Variants in FAM78B observed in about 807,000 individuals in gnomAD.
FAM78B encodes the protein family with sequence similarity 78 member B.
In FAM78B, 10 loss-of-function variants were observed where a neutral mutation model predicts 20.0. That is an observed-to-expected ratio of 0.50 (90% CI 0.31 to 0.85). FAM78B has a LOEUF of 0.85. Among genes scored for constraint, FAM78B ranks in the 40% least tolerant of loss-of-function variants. The pLI is 0.05. For missense variants in FAM78B, 283 were observed against 345.0 expected (o/e 0.82, Z 1.42); for synonymous variants, 135 against 132.8 (o/e 1.02, Z -0.12).
chr1:166,159,798 CT>C, intron 1 of FAM78B, among the ~76,000 whole-genome samples: 1 of 152,374 alleles, frequency 6.6e-6, no homozygotes, highest in Non-Finnish European at 1.5e-5. Flanking sequence ...ATCTCTCCAA[CT>C]CCTCCTTTGA....
chr1:166,156,801 C>A (rs1655914941), intron 1 of FAM78B, among the ~76,000 whole-genome samples: 1 of 152,068 alleles, frequency 6.6e-6, no homozygotes, highest in Non-Finnish European at 1.5e-5. Context: ...CATCACCCCA[C>A]CCTCAAGTCC....
At chr1:166,125,873 C>T (rs1017230810) in intron 1 of FAM78B, among the ~76,000 whole-genome samples, 5 of 143,182 alleles carry the variant, frequency 3.5e-5, no homozygotes, top group Non-Finnish European at 6.0e-5. Flanking sequence ...TGCTCTGTCG[C>T]CAGGCTGGAG....
At chr1:166,144,218 T>C (rs1342627453) in intron 1 of FAM78B, among the ~76,000 whole-genome samples, 1 of 152,048 alleles carries the variant, frequency 6.6e-6, no homozygotes, top group East Asian at 1.9e-4. Flanking sequence ...GTTGTGTGTG[T>C]GTTAGCGTTT....
chr1:166,094,729 C>CT (rs1362916176), intron 1 of FAM78B, among the ~76,000 whole-genome samples: 1 of 152,148 alleles, frequency 6.6e-6, no homozygotes. Flanking sequence ...GGACGGAGCC[C>CT]TGAAAAGATA....
chr1:166,161,943 T>C (rs1296876997), intron 1 of FAM78B, among the ~76,000 whole-genome samples: 2 of 152,102 alleles, frequency 1.3e-5, no homozygotes, highest in Admixed American at 1.3e-4. Flanking sequence ...AGAGGTTATC[T>C]CTCACCATTA....
intron 1 of FAM78B, among the ~76,000 whole-genome samples, chr1:166,148,576 G>C (rs1655559825): frequency 6.6e-6 from 1 of 152,246 alleles, no homozygotes; most frequent in Non-Finnish European, 1.5e-5. Flanking sequence ...GTGCTCATTA[G>C]GTGATGAATC....
intron 1 of FAM78B, among the ~76,000 whole-genome samples, chr1:166,121,329 C>T (rs73041258): frequency 0.052 from 7,878 of 152,156 alleles, 683 homozygotes; most frequent in African/African-American, 0.18. Context: ...ACACCCTCAC[C>T]TCGGTCACTC....
intron 1 of FAM78B, among the ~76,000 whole-genome samples, chr1:166,099,686 T>C (rs550453073): frequency 6.6e-6 from 1 of 152,284 alleles, no homozygotes; most frequent in South Asian, 2.1e-4. Context: ...AAGAGGGACA[T>C]TATATAATGG....
In FAM78B at chr1:166,119,575, C is replaced by A. The variant is rs190776598; in HGVS notation, c.263+46411G>T. Among the ~76,000 whole-genome samples, 220 of 152,292 alleles carry A rather than the reference C, an allele frequency of 1.4e-3. 2 individuals carry two copies. The highest frequency in any genetic ancestry group is 6.8e-3 in the Middle Eastern group (2 of 294). On this transcript the variant is annotated intron_variant, in intron 1 of 1. Coordinates refer to ENST00000354422, the MANE Select transcript of FAM78B (RefSeq NM_001017961.5). The stretch of plus-strand genomic sequence containing the variant: ...TGTCCAGGAGAGTATCAGTTGAAAG[C>A]CGACCCCACTTTAACCCTTCTTCCA...
At position 166,136,491 on chromosome 1, in the gene FAM78B, T is replaced by C. The variant is rs115680781; in HGVS notation, c.263+29495A>G. Among the ~76,000 whole-genome samples the C allele has an allele frequency of 3.4e-3, 512 of 152,306 alleles. 3 individuals carry two copies. The highest frequency in any genetic ancestry group is 0.012 in the African/African-American group (485 of 41,568). The stretch of plus-strand genomic sequence containing the variant: ...CTTATCTCTCTGCCCTCACAGCTGC[T>C]GCTGTCTCTGCCAACTCTCATTCCA... On this transcript the variant is annotated intron_variant, in intron 1 of 1. Transcript: ENST00000354422.
chr1:166,075,078 G>A (rs959165662), intron 1 of FAM78B, among the ~76,000 whole-genome samples: 4 of 152,172 alleles, frequency 2.6e-5, no homozygotes, highest in African/African-American at 7.2e-5. Flanking sequence ...GGGTAGTATC[G>A]GTTTGTGGAG....
chr1:166,088,720 T>C, intron 1 of FAM78B, among the ~76,000 whole-genome samples: 1 of 152,122 alleles, frequency 6.6e-6, no homozygotes, highest in East Asian at 1.9e-4. Context: ...GCCTGACTTC[T>C]GGAGGGATGT....
intron 1 of FAM78B, among the ~76,000 whole-genome samples, chr1:166,136,677 G>A (rs1655075565): frequency 6.6e-6 from 1 of 152,210 alleles, no homozygotes; most frequent in Non-Finnish European, 1.5e-5. Context: ...CTCCTGGAAG[G>A]CAACGTTATG....
chr1:166,103,856 G>C lies in FAM78B; in HGVS notation c.264-33093C>G, dbSNP rs1035555755. ...GTATCCTCCTTAACTCATTTTATGA[G>C]GCCAGCATCATCCTGATACCAAAGC... is the stretch of plus-strand genomic sequence containing the variant. On this transcript the variant is annotated intron_variant, in intron 1 of 1. Transcript: ENST00000354422. 9.9e-5 allele frequency among the ~76,000 whole-genome samples: 15 copies of C among 152,252 alleles called. No homozygotes were observed. In the East Asian group the frequency reaches 2.7e-3, roughly 27 times the overall value.
At chr1:166,086,985 G>C (rs1180337388) in intron 1 of FAM78B, 2 of 152,200 alleles carry the variant, frequency 1.3e-5, no homozygotes, top group Non-Finnish European at 2.9e-5. Flanking sequence ...GTCTGTCTCA[G>C]TGATTGTGGA....
At chr1:166,144,855 G>T (rs1655403302) in intron 1 of FAM78B, among the ~76,000 whole-genome samples, 1 of 152,082 alleles carries the variant, frequency 6.6e-6, no homozygotes, top group African/African-American at 2.4e-5. Flanking sequence ...TCACCCAGGG[G>T]TTTTGCTGTG....
intron 1 of FAM78B, among the ~76,000 whole-genome samples, chr1:166,086,678 C>T (rs1043156409): frequency 2.6e-5 from 4 of 152,146 alleles, no homozygotes; most frequent in East Asian, 1.9e-4. Flanking sequence ...GGGGAGTTTC[C>T]GGCAGCAGCT....
intron 1 of FAM78B, among the ~76,000 whole-genome samples, chr1:166,120,278 G>C (rs765615329): frequency 6.6e-6 from 1 of 152,160 alleles, no homozygotes; most frequent in African/African-American, 2.4e-5. Flanking sequence ...TAAGTAACTG[G>C]TCCAAAGGCA....
exon 3 of FAM78B, chr1:166,057,944 T>C (rs1159436404): frequency 6.8e-6 from 1 of 147,074 alleles, no homozygotes; most frequent in Non-Finnish European, 1.5e-5. Context: ...TAGTTCCCTG[T>C]TTTGTTTTTG....
Sources: gnomAD v4.1 joint callset for allele counts (sites outside exome capture counted in the v4.1 genomes callset) on GRCh38, gnomAD v4.1.1 for gene constraint, MANE v1.5 for transcripts, NCBI Gene and HGNC (gene_info 2026-07-23, HGNC 2026-07-21) for gene names.